Variants in GALNTL6 observed in about 807,000 individuals in gnomAD.
The protein encoded by GALNTL6 is polypeptide N-acetylgalactosaminyltransferase-like 6.
A neutral mutation model predicts 73.7 loss-of-function variants in GALNTL6; 46 were observed. That is an observed-to-expected ratio of 0.62 (90% CI 0.49 to 0.80). GALNTL6 has a LOEUF of 0.80. GALNTL6 is among the 30% of genes least tolerant of loss of function. GALNTL6 has a pLI of 0.00. For synonymous variants in GALNTL6, 259 were observed against 263.7 expected (o/e 0.98, Z 0.17); for missense variants, 604 against 755.0 (o/e 0.80, Z 2.34).
chr4:173,006,297 G>A (rs917730223), intron 10 of GALNTL6, among the ~76,000 whole-genome samples: 2 of 152,202 alleles, frequency 1.3e-5, no homozygotes, highest in Non-Finnish European at 2.9e-5. Context: ...TCTCTAAGAA[G>A]AGTGTGTCTG....
intron 2 of GALNTL6, among the ~76,000 whole-genome samples, chr4:171,839,678 C>CA (rs35550994): frequency 0.3 from 41,809 of 139,304 alleles, 5,903 homozygotes; most frequent in Middle Eastern, 0.4. Flanking sequence ...AGGATTGCAG[C>CA]AAAAAAAAAA....
chr4:172,426,240 A>G (rs1219003668), intron 5 of GALNTL6, among the ~76,000 whole-genome samples: 2 of 152,128 alleles, frequency 1.3e-5, no homozygotes, highest in African/African-American at 2.4e-5. Context: ...TAGAAATGTG[A>G]TGAAGCTTCT....
chr4:172,115,462 ATCT>A (rs1344570326), intron 2 of GALNTL6, among the ~76,000 whole-genome samples: 1 of 152,168 alleles, frequency 6.6e-6, no homozygotes, highest in Non-Finnish European at 1.5e-5. Flanking sequence ...ACACATCTTA[ATCT>A]TCTTCCATTT....
chr4:172,241,568 G>T (rs1044339545), intron 3 of GALNTL6, among the ~76,000 whole-genome samples: 2 of 152,062 alleles, frequency 1.3e-5, no homozygotes, highest in African/African-American at 4.8e-5. Context: ...CATTATTTTG[G>T]TGTTAGCATT....
intron 2 of GALNTL6, among the ~76,000 whole-genome samples, chr4:171,819,895 A>G (rs1734637509): frequency 6.6e-6 from 1 of 152,138 alleles, no homozygotes; most frequent in Admixed American, 6.5e-5. Context: ...TCTTTTGCTC[A>G]TATTTGCATG....
intron 3 of GALNTL6, among the ~76,000 whole-genome samples, chr4:172,255,133 CAGTT>C (rs1357564697): frequency 4.6e-5 from 7 of 151,562 alleles, no homozygotes; most frequent in Non-Finnish European, 1.0e-4. Flanking sequence ...TTTTCCCAGA[CAGTT>C]GGTATTTGAA....
intron 10 of GALNTL6, among the ~76,000 whole-genome samples, chr4:172,968,717 A>G (rs1057016259): frequency 3.9e-5 from 6 of 152,330 alleles, no homozygotes; most frequent in Admixed American, 3.3e-4. Flanking sequence ...ACAGAGTTAG[A>G]GCAGGAAGTT....
intron 5 of GALNTL6, among the ~76,000 whole-genome samples, chr4:172,767,929 A>T (rs1738538499): frequency 6.6e-6 from 1 of 151,994 alleles, no homozygotes; most frequent in Admixed American, 6.6e-5. Flanking sequence ...CAGCCTCCCA[A>T]AGTGCTGGGA....
At chr4:172,035,247 T>C (rs548200844) in intron 2 of GALNTL6, among the ~76,000 whole-genome samples, 12 of 152,006 alleles carry the variant, frequency 7.9e-5, no homozygotes, top group Non-Finnish European at 1.6e-4. Context: ...TCAAGAATAA[T>C]AGACAAGTCC....
intron 7 of GALNTL6, among the ~76,000 whole-genome samples, chr4:172,823,499 T>C (rs1742057457): frequency 6.6e-6 from 1 of 152,156 alleles, no homozygotes; most frequent in Non-Finnish European, 1.5e-5. Context: ...AAATAAATAT[T>C]AAGATTGGAA....
intron 5 of GALNTL6, among the ~76,000 whole-genome samples, chr4:172,407,237 T>G (rs551638238): frequency 9.1e-4 from 138 of 152,196 alleles, no homozygotes; most frequent in African/African-American, 3.2e-3. Context: ...CAATATGCAC[T>G]TCACAGGATC....
chr4:171,859,636 G>A (rs899079774), intron 2 of GALNTL6, among the ~76,000 whole-genome samples: 7 of 152,194 alleles, frequency 4.6e-5, no homozygotes, highest in African/African-American at 1.7e-4. Flanking sequence ...TAAGCTTCTA[G>A]GCAGAGATAG....
chr4:171,879,563 A>G (rs1476576493), intron 2 of GALNTL6, among the ~76,000 whole-genome samples: 2 of 152,214 alleles, frequency 1.3e-5, no homozygotes, highest in African/African-American at 2.4e-5. Flanking sequence ...GTACACATGA[A>G]TATGATTAGA....
intron 5 of GALNTL6, among the ~76,000 whole-genome samples, chr4:172,458,166 A>C (rs1243555896): frequency 1.3e-5 from 2 of 152,084 alleles, no homozygotes; most frequent in Non-Finnish European, 2.9e-5. Flanking sequence ...TTTTCTTTGA[A>C]ACCAATGAGA....
At chr4:171,919,129 CA>C (rs1405498072) in intron 2 of GALNTL6, among the ~76,000 whole-genome samples, 1 of 152,010 alleles carries the variant, frequency 6.6e-6, no homozygotes, top group African/African-American at 2.4e-5. Flanking sequence ...GTTAAGATGG[CA>C]AATATCATGT....
At chr4:172,602,047 A>G (rs1459014713) in intron 5 of GALNTL6, among the ~76,000 whole-genome samples, 1 of 152,152 alleles carries the variant, frequency 6.6e-6, no homozygotes, top group East Asian at 1.9e-4. Context: ...ACTGAAGACA[A>G]TAAAATGAAA....
chr4:172,915,517 G>T (rs568615634), intron 8 of GALNTL6, among the ~76,000 whole-genome samples: 1 of 152,122 alleles, frequency 6.6e-6, no homozygotes, highest in Admixed American at 6.6e-5. Flanking sequence ...TAATAAAGAA[G>T]AAAAGAGAGA....
chr4:172,089,423 G>T (rs1732135408), intron 2 of GALNTL6, among the ~76,000 whole-genome samples: 1 of 152,110 alleles, frequency 6.6e-6, no homozygotes, highest in Non-Finnish European at 1.5e-5. Flanking sequence ...GACTTCTCTG[G>T]AGTCTATTTA....
intron 5 of GALNTL6, among the ~76,000 whole-genome samples, chr4:172,369,495 C>T (rs951484676): frequency 1.3e-5 from 2 of 152,140 alleles, no homozygotes; most frequent in African/African-American, 2.4e-5. Flanking sequence ...CTTGGGCGGT[C>T]GATGGGAGTG....
Sources: allele counts gnomAD v4.1 joint callset (sites outside exome capture counted in the v4.1 genomes callset), GRCh38; gene constraint gnomAD v4.1.1; transcripts MANE v1.5; gene names NCBI Gene and HGNC (gene_info 2026-07-23, HGNC 2026-07-21).